The following NCKAP5 variants were observed in gnomAD, a reference collection of about 807,000 sequenced individuals.
NCKAP5 encodes NCK associated protein 5, also known as nck-associated protein 5.
In NCKAP5, 92 loss-of-function variants were observed where a neutral mutation model predicts 167.0. The ratio of observed to expected loss-of-function variants is 0.55; its 90% confidence interval spans 0.47 to 0.66. NCKAP5 has a LOEUF of 0.66. NCKAP5 is among the 30% of genes least tolerant of loss of function. The pLI, the probability that NCKAP5 is intolerant of heterozygous loss-of-function variation, is 0.00. For synonymous variants in NCKAP5, 891 were observed against 877.4 expected, an observed-to-expected ratio of 1.02 and a Z score of -0.27; for missense variants, 2,378 against 2,315.0, an observed-to-expected ratio of 1.03 and a Z score of -0.56.
chr2:133,634,452 C>T, the NCKAP5 span, among the ~76,000 whole-genome samples: 1 of 152,192 alleles, frequency 6.6e-6, no homozygotes, highest in Non-Finnish European at 1.5e-5. Flanking sequence ...CGCTAATAAA[C>T]TGCCAGAGTT....
chr2:133,096,660 A>C (rs2081352856), intron 6 of NCKAP5, among the ~76,000 whole-genome samples: 1 of 152,160 alleles, frequency 6.6e-6, no homozygotes, highest in Admixed American at 6.6e-5. Context: ...GGAACAGTTA[A>C]ATTTATATTA....
intron 10 of NCKAP5, among the ~76,000 whole-genome samples, chr2:132,862,089 T>C (rs542386982): frequency 1.3e-5 from 2 of 152,348 alleles, no homozygotes; most frequent in East Asian, 3.9e-4. Flanking sequence ...CAGCTACCTA[T>C]TGGGCTTAAG....
intron 3 of NCKAP5, among the ~76,000 whole-genome samples, chr2:133,380,996 A>G (rs1444095660): frequency 1.3e-5 from 2 of 152,238 alleles, no homozygotes; most frequent in African/African-American, 4.8e-5. Context: ...ACCCCCTCTT[A>G]TCCCACAAAA....
At chr2:133,328,604 C>T (rs1050087643) in intron 3 of NCKAP5, among the ~76,000 whole-genome samples, 5 of 152,058 alleles carry the variant, frequency 3.3e-5, no homozygotes, top group Non-Finnish European at 7.4e-5. Flanking sequence ...TGTAAGAGCA[C>T]TGGATAATGA....
At chr2:133,530,908 C>T (rs985923432) in intron 2 of NCKAP5, among the ~76,000 whole-genome samples, 3 of 152,098 alleles carry the variant, frequency 2.0e-5, no homozygotes, top group African/African-American at 7.2e-5. Flanking sequence ...CCACTGTGAA[C>T]CCACCAGCTA....
At chr2:132,771,839 A>ATTTTTTTTTTTTTTTTTTT (rs70973406) in intron 16 of NCKAP5, among the ~76,000 whole-genome samples, 7 of 100,806 alleles carry the variant, frequency 6.9e-5, no homozygotes, top group Admixed American at 1.2e-4. Flanking sequence ...CGCCCGGCTA[A>ATTTTTTTTTTTTTTTTTTT]TTTTTTTTTT....
chr2:133,664,222 T>C, the NCKAP5 span, among the ~76,000 whole-genome samples: 226 of 152,264 alleles, frequency 1.5e-3, 3 homozygotes, highest in South Asian at 0.018. Context: ...AGTCATGCTA[T>C]AAACAGATAC....
chr2:133,668,301 G>A, the NCKAP5 span, among the ~76,000 whole-genome samples: 1 of 152,040 alleles, frequency 6.6e-6, no homozygotes, highest in Admixed American at 6.5e-5. Context: ...ATATGTAGGA[G>A]TGGACCTGAT....
intron 6 of NCKAP5, among the ~76,000 whole-genome samples, chr2:133,061,146 T>C (rs2079987184): frequency 6.6e-6 from 1 of 152,090 alleles, no homozygotes. Context: ...GTAGAGAAAT[T>C]TGATTTTACA....
chr2:132,911,794 GA>G, intron 8 of NCKAP5, among the ~76,000 whole-genome samples: 1 of 152,258 alleles, frequency 6.6e-6, no homozygotes, highest in Admixed American at 6.5e-5. Flanking sequence ...GCACAAAAAG[GA>G]AAAAGATTTA....
intron 6 of NCKAP5, chr2:133,121,981 A>T (rs574191910): frequency 1.3e-5 from 2 of 152,370 alleles, no homozygotes; most frequent in South Asian, 4.1e-4. Context: ...CAGACCAAAA[A>T]GTTCCATACT....
chr2:133,318,667 G>A (rs1681792326), intron 3 of NCKAP5, among the ~76,000 whole-genome samples: 1 of 152,156 alleles, frequency 6.6e-6, no homozygotes, highest in Non-Finnish European at 1.5e-5. Context: ...AAAATCTGGA[G>A]AGAAATGGGA....
At chr2:132,914,784 C>T (rs562120610) in intron 8 of NCKAP5, among the ~76,000 whole-genome samples, 4 of 151,918 alleles carry the variant, frequency 2.6e-5, no homozygotes, top group African/African-American at 4.8e-5. Flanking sequence ...GTCACTGAGA[C>T]GTGAATGCTG....
intron 19 of NCKAP5, among the ~76,000 whole-genome samples, chr2:132,710,760 A>C (rs1688760741): frequency 6.6e-6 from 1 of 152,234 alleles, no homozygotes; most frequent in African/African-American, 2.4e-5. Context: ...AATTTCATTC[A>C]TCTTATGATC....
At chr2:132,872,324 A>C (rs1466688989) in intron 9 of NCKAP5, among the ~76,000 whole-genome samples, 1 of 152,076 alleles carries the variant, frequency 6.6e-6, no homozygotes, top group Admixed American at 6.6e-5. Context: ...TTCTCAGACA[A>C]TCTAGCTCCT....
At chr2:132,749,232 T>C (rs1679902307) in intron 16 of NCKAP5, among the ~76,000 whole-genome samples, 1 of 152,078 alleles carries the variant, frequency 6.6e-6, no homozygotes, top group African/African-American at 2.4e-5. Flanking sequence ...GACAGTGTCT[T>C]GCTCTGTTGC....
At chr2:133,097,918 C>T (rs1201161611) in intron 6 of NCKAP5, among the ~76,000 whole-genome samples, 1 of 152,058 alleles carries the variant, frequency 6.6e-6, no homozygotes, top group East Asian at 1.9e-4. Context: ...GTCCTGTTAC[C>T]CAGGAAGGCT....
At chr2:133,018,999 C>G (rs2078437225) in intron 6 of NCKAP5, among the ~76,000 whole-genome samples, 1 of 152,164 alleles carries the variant, frequency 6.6e-6, no homozygotes, top group South Asian at 2.1e-4. Context: ...TGCAATGACT[C>G]TTGGATGGAA....
At chr2:133,188,658 A>G (rs181904587) in intron 5 of NCKAP5, among the ~76,000 whole-genome samples, 1 of 152,286 alleles carries the variant, frequency 6.6e-6, no homozygotes, top group Admixed American at 6.5e-5. Flanking sequence ...CTACATGGAA[A>G]CTGAACAACC....
Sources: gnomAD v4.1 joint callset for allele counts (sites outside exome capture counted in the v4.1 genomes callset) on GRCh38, gnomAD v4.1.1 for gene constraint, MANE v1.5 for transcripts, NCBI Gene and HGNC (gene_info 2026-07-23, HGNC 2026-07-21) for gene names.